GYS2: variants seen among roughly 807,000 people sequenced by gnomAD.
The protein encoded by GYS2 is glycogen [starch] synthase, liver.
A neutral mutation model predicts 85.6 loss-of-function variants in GYS2; 80 were observed. The observed-to-expected ratio is 0.93, with a 90% CI of 0.78 to 1.13. GYS2 has a LOEUF of 1.13. Among genes scored for constraint, GYS2 ranks in the 50% most tolerant of loss-of-function variants. The pLI is 0.00. For synonymous variants in GYS2, 328 were observed against 300.7 expected (o/e 1.09, Z -0.94); for missense variants, 881 against 854.9 (o/e 1.03, Z -0.38).
At chr12:21,534,704 G>T (rs1943894939), downstream of GYS2, among the ~76,000 whole-genome samples, 1 of 152,102 alleles carries the variant, frequency 6.6e-6, no homozygotes, top group Non-Finnish European at 1.5e-5. Flanking sequence ...AAGTTGAGGA[G>T]CACCTATATA....
chr12:21,597,520 A>G (rs1419179078), intron 1 of GYS2, among the ~76,000 whole-genome samples: 1 of 152,102 alleles, frequency 6.6e-6, no homozygotes, highest in African/African-American at 2.4e-5. Context: ...TAGAATCATC[A>G]TGATTTAAAT....
At chr12:21,571,638 C>T (rs1410096998) in intron 4 of GYS2, among the ~76,000 whole-genome samples, 3 of 152,078 alleles carry the variant, frequency 2.0e-5, no homozygotes, top group Non-Finnish European at 4.4e-5. Context: ...GCACTGTCCT[C>T]AGATTTCCAT....
At chr12:21,544,851 G>C (rs971145749) in intron 12 of GYS2, among the ~76,000 whole-genome samples, 6 of 152,154 alleles carry the variant, frequency 3.9e-5, no homozygotes, top group African/African-American at 1.4e-4. Context: ...GCTTGGTGAA[G>C]CTAGAACAAT....
chr12:21,568,459 T>A (rs1351216856), intron 5 of GYS2, among the ~76,000 whole-genome samples: 1 of 152,152 alleles, frequency 6.6e-6, no homozygotes, highest in Non-Finnish European at 1.5e-5. Flanking sequence ...TATAAAACGT[T>A]TCTACCAACA....
chr12:21,594,147 T>C (rs947840541), intron 1 of GYS2, among the ~76,000 whole-genome samples: 1 of 152,102 alleles, frequency 6.6e-6, no homozygotes, highest in Non-Finnish European at 1.5e-5. Context: ...AACATCATAC[T>C]GAATTGGGAA....
At chr12:21,572,632 ATCTCAACCAGTGAAGG>A (rs577475584) in intron 4 of GYS2, among the ~76,000 whole-genome samples, 1 of 152,312 alleles carries the variant, frequency 6.6e-6, no homozygotes, top group Admixed American at 6.5e-5. Flanking sequence ...AAACTTAAGT[ATCTCAACCAGTGAAGG>A]GCTTTAAACT....
At chr12:21,544,949 A>T (rs1944021012) in intron 12 of GYS2, among the ~76,000 whole-genome samples, 1 of 152,134 alleles carries the variant, frequency 6.6e-6, no homozygotes, top group African/African-American at 2.4e-5. Flanking sequence ...AGACTTTTAA[A>T]TTCTGTATTT....
chr12:21,546,550 C>A, intron 11 of GYS2, 80 bp from the exon 12 acceptor site: 1 of 839,116 alleles, frequency 1.2e-6, no homozygotes, highest in South Asian at 1.5e-5. Flanking sequence ...TTGGTTATTT[C>A]AGTACTCTAC....
Position 21,541,262 on chromosome 12 carries a change from T to C in GYS2, c.1646-689A>G, listed in dbSNP as rs1193673651. ...CAGCCTGGGCAACAGAGTGAGACCA[T>C]GTTTCCAAAAAAAAAAAAAAAAAAA... On this transcript the variant is annotated intron_variant, in intron 13 of 15. Transcript: ENST00000261195. Among the ~76,000 whole-genome samples the C allele has an allele frequency of 8.6e-5, 8 of 93,200 alleles. No homozygotes were observed. The Admixed American group carries it at 1.1e-3, about 13-fold the overall frequency. 61.1% of individuals were successfully genotyped at this position (93,200 alleles called of 152,430 possible). A position where few individuals can be genotyped will look rare whatever the true frequency, so the allele number is the denominator to read the frequency against.
chr12:21,539,338 A>G lies in GYS2; in HGVS notation c.1810T>C (p.Tyr604His). 1 of 1,586,180 alleles carries G rather than the reference A, an allele frequency of 6.3e-7. No homozygotes were observed. The highest frequency in any genetic ancestry group is 8.7e-7 in the Non-Finnish European group (1 of 1,154,746). Residue 604 changes from tyrosine (Y) to histidine (H), a missense_variant and splice_region_variant, in exon 15 of 16, where the codon TAT (tyrosine) becomes CAT (histidine). Coordinates refer to ENST00000261195, the MANE Select transcript of GYS2 (RefSeq NM_021957.4). Reference protein sequence around the residue: ...DLLDWRYLGRYYQHARHLTLS... With the variant: ...DLLDWRYLGRHYQHARHLTLS... ...GTCAGGTGTCTGGCATGCTGGTAAT[A>G]CTATTGATAGAAAGCCAAATCACAG... is the stretch of plus-strand genomic sequence containing the variant.
chr12:21,572,938 G>C (rs1009722494), intron 4 of GYS2, among the ~76,000 whole-genome samples: 16 of 152,138 alleles, frequency 1.1e-4, no homozygotes, highest in African/African-American at 3.9e-4. Context: ...GAGCTTACCA[G>C]CTTATCACAG....
In GYS2 at chr12:21,540,549, A is replaced by G; in HGVS notation, c.1670T>C (p.Phe557Ser). 1 of 1,614,120 alleles carries G rather than the reference A, an allele frequency of 6.2e-7. No homozygotes were observed. Among genetic ancestry groups the G allele is most frequent in the Non-Finnish European group, 8.5e-7 (1 of 1,179,970 alleles). ...AYGIYIVDRRFRSPDDSCNQL... is the reference protein window; with the variant it reads ...AYGIYIVDRRSRSPDDSCNQL... ...ATTGCAAGAATCATCTGGAGAACGG[A>G]ACCGCCTGTCAACGATGTAAATACC... The change falls in exon 14 of 16, where the codon TTC becomes TCC. Residue 557 changes from phenylalanine (F) to serine (S), a missense_variant. By Grantham distance (155) the Phe-to-Ser change is radical. Transcript: ENST00000261195.
intron 11 of GYS2, among the ~76,000 whole-genome samples, chr12:21,552,724 A>G (rs1944128022): frequency 6.6e-6 from 1 of 152,006 alleles, no homozygotes. Flanking sequence ...ATCTCCACTC[A>G]CCCTATGAAA....
At position 21,539,342 on chromosome 12, in the gene GYS2, T is replaced by C; in HGVS notation, c.1810-4A>G. On this transcript the variant is annotated splice_region_variant and splice_polypyrimidine_tract_variant and intron_variant, in intron 14 of 15. Coordinates refer to ENST00000261195, the MANE Select transcript of GYS2 (RefSeq NM_021957.4). ...GGTGTCTGGCATGCTGGTAATACTA[T>C]TGATAGAAAGCCAAATCACAGGTTA... The C allele has an allele frequency of 6.4e-7, 1 of 1,573,540 alleles. No individual in the cohort carries two copies. The highest frequency in any genetic ancestry group is 8.7e-7 in the Non-Finnish European group (1 of 1,143,180).
chr12:21,551,518 T>TA (rs5796909), intron 11 of GYS2, among the ~76,000 whole-genome samples: 108,092 of 148,990 alleles, frequency 0.73, 39,998 homozygotes, highest in Non-Finnish European at 0.81. Context: ...AGGATTAAAG[T>TA]AAAAAAAAAA....
chr12:21,550,562 C>T (rs117089078), intron 11 of GYS2, among the ~76,000 whole-genome samples: 1,906 of 152,296 alleles, frequency 0.013, 20 homozygotes, highest in South Asian at 0.044. Context: ...AGCACCCTCC[C>T]TGTTCTAGTG....
At chr12:21,564,004 C>G (rs1944288034) in intron 5 of GYS2, among the ~76,000 whole-genome samples, 1 of 152,152 alleles carries the variant, frequency 6.6e-6, no homozygotes, top group African/African-American at 2.4e-5. Flanking sequence ...ATTCATTCTT[C>G]CCAGGAGATT....
intron 1 of GYS2, among the ~76,000 whole-genome samples, chr12:21,582,478 G>A (rs998952432): frequency 3.3e-5 from 5 of 152,104 alleles, no homozygotes; most frequent in African/African-American, 1.2e-4. Context: ...TTGGGACTCC[G>A]ACTAGCTTCC....
At position 21,540,591 on chromosome 12, in the gene GYS2, C is replaced by T. The variant is rs1337589581; in HGVS notation, c.1646-18G>A. 1.9e-6 allele frequency: 3 copies of T among 1,610,038 alleles called. No homozygotes were observed. The African/African-American group carries it at 4.0e-5, about 22-fold the overall frequency. On this transcript the variant is annotated intron_variant, in intron 13 of 15. Transcript: ENST00000261195. Reference sequence around the variant, plus strand: ...GTAAATACCTGAAGAACACAAAAGCCAAAGCACAAGTAAAAGTAGGACTAA... The same window carrying T: ...GTAAATACCTGAAGAACACAAAAGCTAAAGCACAAGTAAAAGTAGGACTAA...
Sources: allele counts gnomAD v4.1 joint callset (sites outside exome capture counted in the v4.1 genomes callset), GRCh38; gene constraint gnomAD v4.1.1; transcripts MANE v1.5; gene names NCBI Gene and HGNC (gene_info 2026-07-23, HGNC 2026-07-21).